The following DRC8 variants were observed in gnomAD, a reference collection of about 807,000 sequenced individuals.
DRC8 encodes dynein regulatory complex protein 8.
the DRC8 span, among the ~76,000 whole-genome samples, chr1:245,044,946 A>AT: frequency 0.035 from 5,250 of 151,928 alleles, 322 homozygotes; most frequent in African/African-American, 0.12. Flanking sequence ...AACTTCAATA[A>AT]TTTAAATTCT....
At chr1:245,002,259 A>T in the DRC8 span, 44 of 1,560,464 alleles carry the variant, frequency 2.8e-5, no homozygotes, top group Non-Finnish European at 3.5e-5. Flanking sequence ...CCTCCTCCCC[A>T]TCACTGTGTC....
chr1:245,119,456 A>AG, the DRC8 span, among the ~76,000 whole-genome samples: 2 of 151,478 alleles, frequency 1.3e-5, no homozygotes, highest in African/African-American at 2.4e-5. Flanking sequence ...GGAGGCCAGG[A>AG]GTTGGAGACC....
the DRC8 span, among the ~76,000 whole-genome samples, chr1:245,105,352 A>T: frequency 0.018 from 2,748 of 150,626 alleles, 32 homozygotes; most frequent in Middle Eastern, 0.037. Flanking sequence ...ATTTTTTTTT[A>T]AAAAGATTCT....
the DRC8 span, among the ~76,000 whole-genome samples, chr1:245,047,538 G>A: frequency 6.6e-6 from 1 of 151,368 alleles, no homozygotes; most frequent in African/African-American, 2.4e-5. Flanking sequence ...AGGAGGCTGA[G>A]GCAGGAGAAT....
chr1:245,061,523 CTAAT>C, the DRC8 span, among the ~76,000 whole-genome samples: 1 of 152,100 alleles, frequency 6.6e-6, no homozygotes, highest in African/African-American at 2.4e-5. Flanking sequence ...ACAATTTACT[CTAAT>C]TAAATTCTAC....
chr1:245,024,728 GAGATGGGGGT>G, the DRC8 span, among the ~76,000 whole-genome samples: 2 of 151,898 alleles, frequency 1.3e-5, no homozygotes, highest in East Asian at 3.9e-4. Context: ...ATTTTTAGTA[GAGATGGGGGT>G]TCACCATATT....
chr1:245,057,049 G>A, the DRC8 span, among the ~76,000 whole-genome samples: 7 of 152,182 alleles, frequency 4.6e-5, no homozygotes, highest in Admixed American at 4.6e-4. Flanking sequence ...AGTGATGTAC[G>A]GAAAATGGAA....
the DRC8 span, among the ~76,000 whole-genome samples, chr1:245,061,564 C>T: frequency 6.6e-6 from 1 of 151,958 alleles, no homozygotes; most frequent in Non-Finnish European, 1.5e-5. Context: ...GTATAACTAC[C>T]TTTTAAGAAC....
At chr1:244,987,661 A>G in the DRC8 span, among the ~76,000 whole-genome samples, 28 of 147,022 alleles carry the variant, frequency 1.9e-4, no homozygotes, top group Non-Finnish European at 3.9e-4. Flanking sequence ...TTTTGACAGC[A>G]TATGTCTGGA....
the DRC8 span, among the ~76,000 whole-genome samples, chr1:244,990,033 A>G: frequency 6.6e-5 from 10 of 152,242 alleles, no homozygotes; most frequent in Admixed American, 6.5e-4. Flanking sequence ...AATCATTGAC[A>G]TCTTCTGCTT....
the DRC8 span, among the ~76,000 whole-genome samples, chr1:245,024,305 T>C: frequency 6.6e-6 from 1 of 152,192 alleles, no homozygotes; most frequent in Non-Finnish European, 1.5e-5. Flanking sequence ...TATCTTAGCA[T>C]GCATATCATC....
chr1:245,122,046 A>T, the DRC8 span: 1 of 320,894 alleles, frequency 3.1e-6, no homozygotes, highest in Non-Finnish European at 5.9e-6. Context: ...TGACAGGCAC[A>T]CACCACCACG....
chr1:245,017,322 G>C, the DRC8 span: 7 of 1,582,380 alleles, frequency 4.4e-6, no homozygotes, highest in African/African-American at 9.7e-5. Context: ...TACAGTGGAT[G>C]TGAGGTGTGG....
chr1:245,021,270 C>A, the DRC8 span, among the ~76,000 whole-genome samples: 1 of 151,866 alleles, frequency 6.6e-6, no homozygotes. Flanking sequence ...GCTTTGAGCG[C>A]CTTGATAATT....
At chr1:245,027,993 A>C in the DRC8 span, among the ~76,000 whole-genome samples, 1 of 151,632 alleles carries the variant, frequency 6.6e-6, no homozygotes, top group Non-Finnish European at 1.5e-5. Flanking sequence ...CTGGGCTCAC[A>C]CGATCCTCCT....
the DRC8 span, among the ~76,000 whole-genome samples, chr1:245,072,293 T>A: frequency 6.6e-6 from 1 of 152,242 alleles, no homozygotes; most frequent in Admixed American, 6.5e-5. Context: ...TTTTTTCTTT[T>A]TTCTTTTTTT....
At chr1:245,087,311 C>A in the DRC8 span, 1 of 1,610,610 alleles carries the variant, frequency 6.2e-7, no homozygotes, top group Non-Finnish European at 8.5e-7. Context: ...GAATCAAATT[C>A]AATTAATTAC....
At chr1:244,989,636 A>C in the DRC8 span, among the ~76,000 whole-genome samples, 1 of 152,162 alleles carries the variant, frequency 6.6e-6, no homozygotes, top group East Asian at 1.9e-4. Flanking sequence ...TGGTTTCTCC[A>C]CTGTGGTAAC....
the DRC8 span, among the ~76,000 whole-genome samples, chr1:245,012,482 C>T: frequency 6.6e-6 from 1 of 151,466 alleles, no homozygotes; most frequent in African/African-American, 2.4e-5. Flanking sequence ...ATAAAATAAT[C>T]AACTGAAAGA....
Sources: gnomAD v4.1 joint callset for allele counts (sites outside exome capture counted in the v4.1 genomes callset) on GRCh38, gnomAD v4.1.1 for gene constraint, MANE v1.5 for transcripts, NCBI Gene and HGNC (gene_info 2026-07-23, HGNC 2026-07-21) for gene names.